The following CNTNAP5 variants were observed in gnomAD, a reference collection of about 807,000 sequenced individuals.
CNTNAP5 encodes contactin-associated protein-like 5.
Under a neutral mutation model 150.2 loss-of-function variants are expected in CNTNAP5, and 72 were observed. The ratio of observed to expected loss-of-function variants is 0.48; its 90% confidence interval spans 0.40 to 0.58. The LOEUF is 0.58. Ranked by LOEUF, CNTNAP5 falls within the 20% of genes least tolerant of loss-of-function variation. The pLI, the probability that CNTNAP5 is intolerant of heterozygous loss-of-function variation, is 0.00. For missense variants in CNTNAP5, 1,636 were observed against 1,626.2 expected, an observed-to-expected ratio of 1.01 and a Z score of -0.10; for synonymous variants, 672 against 619.8, an observed-to-expected ratio of 1.08 and a Z score of -1.25.
intron 19 of CNTNAP5, among the ~76,000 whole-genome samples, chr2:124,860,504 T>C (rs143369304): frequency 0.19 from 2,926 of 15,428 alleles, 64 homozygotes; most frequent in African/African-American, 0.26. Context: ...TCCTTCCTTC[T>C]TTCCTTCCTT....
chr2:124,175,544 C>T (rs933567450), intron 1 of CNTNAP5, among the ~76,000 whole-genome samples: 10 of 152,238 alleles, frequency 6.6e-5, no homozygotes, highest in African/African-American at 9.6e-5. Context: ...TTCCATCACC[C>T]GGGTAGTGAG....
At chr2:124,247,936 C>T (rs1340512335) in intron 3 of CNTNAP5, among the ~76,000 whole-genome samples, 1 of 152,100 alleles carries the variant, frequency 6.6e-6, no homozygotes, top group Non-Finnish European at 1.5e-5. Context: ...ATGGTTCTCT[C>T]CTTTGTTCTC....
chr2:124,624,022 GA>G (rs1288423027), intron 12 of CNTNAP5, among the ~76,000 whole-genome samples: 1 of 152,142 alleles, frequency 6.6e-6, no homozygotes, highest in Non-Finnish European at 1.5e-5. Flanking sequence ...TTATGATGTT[GA>G]CCAAAGTGTG....
intron 1 of CNTNAP5, among the ~76,000 whole-genome samples, chr2:124,202,152 T>A (rs1218262391): frequency 6.6e-6 from 1 of 152,180 alleles, no homozygotes; most frequent in Non-Finnish European, 1.5e-5. Context: ...AAAATATTAG[T>A]ATAAGCATTT....
intron 1 of CNTNAP5, among the ~76,000 whole-genome samples, chr2:124,068,948 G>A (rs1337179697): frequency 2.6e-5 from 4 of 152,024 alleles, no homozygotes; most frequent in African/African-American, 7.2e-5. Context: ...TACCCAGGTA[G>A]TATACCATGG....
Position 124,763,708 on chromosome 2 carries a change from C to T in CNTNAP5, c.2271C>T (p.His757=), listed in dbSNP as rs778463068. The change falls in exon 15 of 24, where the codon CAC becomes CAT. Residue 757 remains histidine, a synonymous_variant. Transcript: ENST00000682447. The part of the protein sequence containing the change: ...NDTGFLSFKD[H]LPVTQIVITD... ...CTGGCTTTCTTTCCTTCAAAGACCA[C>T]TTGCCTGTCACTCAGATAGTTATCA... 1.2e-6 allele frequency: 2 copies of T among 1,612,902 alleles called. No homozygotes were observed. The highest frequency in any genetic ancestry group is 1.7e-6 in the Non-Finnish European group (2 of 1,179,320).
intron 1 of CNTNAP5, among the ~76,000 whole-genome samples, chr2:124,100,552 A>G (rs1286721413): frequency 2.0e-5 from 3 of 152,170 alleles, no homozygotes; most frequent in African/African-American, 7.2e-5. Flanking sequence ...TCTCTATCAC[A>G]CTAACTGTCT....
Position 124,747,265 on chromosome 2 carries a change from A to G in CNTNAP5, c.2114A>G (p.Asn705Ser), listed in dbSNP as rs764896302. Residue 705 changes from asparagine to serine, a missense_variant, in exon 14 of 24, where the codon AAT becomes AGT. By Grantham distance (46) the Asn-to-Ser change is conservative. Coordinates refer to ENST00000682447, the MANE Select transcript of CNTNAP5 (RefSeq NM_001367498.1). ...TTTACCTGGTGGATTGGGCGGTCCA[A>G]TGAAAGGCACCCTTACTGGGGAGGT... The part of the protein sequence containing the change: ...TPFTWWIGRS[N>S]ERHPYWGGSP... 48 of 1,613,556 alleles carry G rather than the reference A, an allele frequency of 3.0e-5. No homozygotes were observed. Among genetic ancestry groups the G allele is most frequent in the African/African-American group, 1.5e-4 (11 of 74,926 alleles).
Position 124,025,429 on chromosome 2 carries a change from C to A in CNTNAP5, c.-222C>A, listed in dbSNP as rs988817502. 1.7e-5 allele frequency: 10 copies of A among 578,636 alleles called. No individual in the cohort carries two copies. Among genetic ancestry groups the A allele is most frequent in the South Asian group, 6.1e-5 (3 of 48,850 alleles). 35.8% of individuals were successfully genotyped at this position (578,636 alleles called of 1,614,324 possible). ...GGGCGAGGAAGGCGAGTCCAGCTAG[C>A]GGCTGTTGCGGGGACCGTAGCCCCA... On this transcript the variant is annotated 5_prime_UTR_variant, in exon 1 of 24. Coordinates refer to ENST00000682447, the MANE Select transcript of CNTNAP5 (RefSeq NM_001367498.1).
rs1385005174 is a variant in CNTNAP5 at position 124,510,458 on chromosome 2, A to C, written c.1327+5902A>C. On this transcript the variant is annotated intron_variant, in intron 8 of 23. Coordinates refer to ENST00000682447, the MANE Select transcript of CNTNAP5 (RefSeq NM_001367498.1). The stretch of plus-strand genomic sequence containing the variant: ...GACTCCATCAAAAAAACAAACAAAA[A>C]AGTAAATTTTATGTATGTGTATATA... Among the ~76,000 whole-genome samples, 4 of 136,632 alleles carry C rather than the reference A, an allele frequency of 2.9e-5. No individual in the cohort carries two copies. The Admixed American group carries it at 3.0e-4, about 10-fold the overall frequency. The allele number at this position is 136,632 out of a possible 152,430, so 89.6% of individuals were successfully genotyped here. A position where few individuals can be genotyped will look rare whatever the true frequency, so the allele number is the denominator to read the frequency against.
At chr2:124,913,766 G>A (rs1461278130) in intron 23 of CNTNAP5, among the ~76,000 whole-genome samples, 2 of 151,998 alleles carry the variant, frequency 1.3e-5, no homozygotes, top group Non-Finnish European at 2.9e-5. Flanking sequence ...ATTATTTATA[G>A]CAGACTTGAA....
At chr2:124,790,181 T>C in intron 18 of CNTNAP5, 40 bp downstream of exon 18, 1 of 1,559,010 alleles carries the variant, frequency 6.4e-7, no homozygotes, top group Non-Finnish European at 8.7e-7. Flanking sequence ...TGCAGTGCTG[T>C]ATCACCTATA....
intron 1 of CNTNAP5, among the ~76,000 whole-genome samples, chr2:124,113,213 G>A (rs1683340242): frequency 6.6e-6 from 1 of 151,906 alleles, no homozygotes; most frequent in Admixed American, 6.6e-5. Context: ...GCTAGAAGCT[G>A]GAAACACTCC....
At chr2:124,614,982 TCAAAA>T (rs78573415) in intron 12 of CNTNAP5, among the ~76,000 whole-genome samples, 71 of 4,900 alleles carry the variant, frequency 0.014, no homozygotes, top group Admixed American at 0.018. Flanking sequence ...TAGCATTATA[TCAAAA>T]AAAAAAAAAA....
At chr2:124,415,723 T>C (rs2104775217) in intron 3 of CNTNAP5, among the ~76,000 whole-genome samples, 1 of 152,228 alleles carries the variant, frequency 6.6e-6, no homozygotes, top group East Asian at 1.9e-4. Context: ...AAAGATGAGG[T>C]ATGATTGGGA....
At chr2:124,478,200 TGAGA>T (rs1316362544) in intron 7 of CNTNAP5, among the ~76,000 whole-genome samples, 3 of 152,210 alleles carry the variant, frequency 2.0e-5, no homozygotes. Flanking sequence ...TTTCGTTTTC[TGAGA>T]GAATCATTAT....
chr2:124,458,657 A>G (rs1693177856), intron 6 of CNTNAP5, among the ~76,000 whole-genome samples: 1 of 152,144 alleles, frequency 6.6e-6, no homozygotes, highest in Non-Finnish European at 1.5e-5. Context: ...CTGTTCCCCA[A>G]TAACCTATGG....
intron 3 of CNTNAP5, among the ~76,000 whole-genome samples, chr2:124,322,796 T>C (rs1298164155): frequency 2.0e-5 from 3 of 152,148 alleles, no homozygotes. Context: ...TCCTTCTGGA[T>C]CCCACAACCT....
chr2:124,246,585 C>G (rs1687035068), intron 3 of CNTNAP5, among the ~76,000 whole-genome samples: 1 of 152,112 alleles, frequency 6.6e-6, no homozygotes, highest in African/African-American at 2.4e-5. Context: ...TTGTTTGGAA[C>G]AAAGGAACCT....
Sources: allele counts gnomAD v4.1 joint callset (sites outside exome capture counted in the v4.1 genomes callset), GRCh38; gene constraint gnomAD v4.1.1; transcripts MANE v1.5; gene names NCBI Gene and HGNC (gene_info 2026-07-23, HGNC 2026-07-21).